CDIN1: variants seen among roughly 807,000 people sequenced by gnomAD.
CDIN1 encodes CDAN1-interacting nuclease 1.
CDIN1 carries 33 observed loss-of-function variants against 45.3 expected under a neutral mutation model. The observed-to-expected ratio is 0.73, with a 90% CI of 0.55 to 0.97. The LOEUF is 0.97. CDIN1 is among the 50% of genes least tolerant of loss of function. The pLI is 0.00. For missense variants in CDIN1, 303 were observed against 339.4 expected (o/e 0.89, Z 0.84); for synonymous variants, 118 against 124.4 (o/e 0.95, Z 0.34).
intron 1 of CDIN1, among the ~76,000 whole-genome samples, chr15:36,633,922 T>C (rs1416939893): frequency 6.6e-6 from 1 of 152,004 alleles, no homozygotes; most frequent in Non-Finnish European, 1.5e-5. Context: ...GATGCCCAGA[T>C]TATTTTTTCT....
chr15:36,696,257 G>A (rs1034906609), intron 7 of CDIN1: 4 of 152,206 alleles, frequency 2.6e-5, no homozygotes, highest in East Asian at 1.9e-4. Context: ...ATACACACAC[G>A]AGAAAAAGAC....
intron 10 of CDIN1, among the ~76,000 whole-genome samples, chr15:36,751,422 A>G (rs2053467653): frequency 6.6e-6 from 1 of 151,636 alleles, no homozygotes; most frequent in Non-Finnish European, 1.5e-5. Context: ...AGCCAGGCAC[A>G]GCAGCTCACG....
At chr15:36,724,760 A>G (rs866187515) in intron 10 of CDIN1, among the ~76,000 whole-genome samples, 1 of 152,168 alleles carries the variant, frequency 6.6e-6, no homozygotes, top group African/African-American at 2.4e-5. Flanking sequence ...AAATTAAATT[A>G]TTTCTAAATT....
intron 1 of CDIN1, among the ~76,000 whole-genome samples, chr15:36,604,418 T>TACACACACACACACACAC (rs144533313): frequency 0.035 from 4,542 of 128,684 alleles, 147 homozygotes; most frequent in East Asian, 0.048. Context: ...TTTTAAAAGG[T>TACACACACACACACACAC]ACACACACAC....
intron 10 of CDIN1, among the ~76,000 whole-genome samples, chr15:36,796,444 A>G (rs1369506517): frequency 6.6e-6 from 1 of 152,112 alleles, no homozygotes; most frequent in African/African-American, 2.4e-5. Context: ...AACCAAATAG[A>G]AAAAAATTAC....
intron 3 of CDIN1, among the ~76,000 whole-genome samples, chr15:36,649,558 ATT>A (rs2040490057): frequency 6.6e-6 from 1 of 152,208 alleles, no homozygotes; most frequent in South Asian, 2.1e-4. Flanking sequence ...TGAAAGACTC[ATT>A]TATATCTAAG....
intron 3 of CDIN1, among the ~76,000 whole-genome samples, chr15:36,653,876 C>T (rs2040672995): frequency 6.6e-6 from 1 of 152,178 alleles, no homozygotes. Flanking sequence ...AGTATTTACA[C>T]CTTCTGCCCC....
At chr15:36,602,814 T>TA (rs1198722461) in intron 1 of CDIN1, among the ~76,000 whole-genome samples, 2 of 150,884 alleles carry the variant, frequency 1.3e-5, no homozygotes, top group African/African-American at 2.4e-5. Flanking sequence ...CCGTCTCTAC[T>TA]AAAAAAAAAT....
chr15:36,599,264 A>C (rs181846332), intron 1 of CDIN1, among the ~76,000 whole-genome samples: 7 of 152,346 alleles, frequency 4.6e-5, no homozygotes, highest in Non-Finnish European at 7.3e-5. Flanking sequence ...TAGGCAGCTA[A>C]GTGCTTAGTC....
intron 10 of CDIN1, among the ~76,000 whole-genome samples, chr15:36,728,176 G>A (rs1438946733): frequency 6.6e-6 from 1 of 152,046 alleles, no homozygotes; most frequent in Non-Finnish European, 1.5e-5. Flanking sequence ...TTTTTGTCAT[G>A]CATCACTCTA....
At chr15:36,612,061 C>A (rs1357254696) in intron 1 of CDIN1, among the ~76,000 whole-genome samples, 1 of 152,180 alleles carries the variant, frequency 6.6e-6, no homozygotes, top group Non-Finnish European at 1.5e-5. Flanking sequence ...TGTCTGTTTT[C>A]TCATTCTTCT....
intron 10 of CDIN1, among the ~76,000 whole-genome samples, chr15:36,765,636 A>G (rs941102495): frequency 2.0e-5 from 3 of 152,172 alleles, no homozygotes; most frequent in African/African-American, 7.2e-5. Flanking sequence ...TAACTTGATT[A>G]TTTATAGTTA....
chr15:36,586,279 GA>G (rs2037297043), intron 1 of CDIN1, among the ~76,000 whole-genome samples: 1 of 149,738 alleles, frequency 6.7e-6, no homozygotes, highest in African/African-American at 2.5e-5. Context: ...TATACTTTGA[GA>G]CTATGCAAAT....
intron 3 of CDIN1, among the ~76,000 whole-genome samples, chr15:36,649,888 T>C (rs2040503100): frequency 6.6e-6 from 1 of 152,238 alleles, no homozygotes; most frequent in Non-Finnish European, 1.5e-5. Flanking sequence ...AGGCAGGTAC[T>C]GTGTCTTATA....
chr15:36,769,863 G>A lies in CDIN1; in HGVS notation c.717-38461G>A, dbSNP rs146585128. Among the ~76,000 whole-genome samples the A allele has an allele frequency of 8.1e-4, 123 of 152,234 alleles. 1 individual carries two copies. The highest frequency in any genetic ancestry group is 2.5e-3 in the African/African-American group (105 of 41,550). On this transcript the variant is annotated intron_variant, in intron 10 of 10. Coordinates refer to ENST00000566621, the MANE Select transcript of CDIN1 (RefSeq NM_001321759.2). ...TTTGCTCTAAAGTCTAAGAACCTGT[G>A]CGATAAATGATGTTACAGTCAGCTG...
chr15:36,759,705 A>G (rs2053706553), intron 10 of CDIN1, among the ~76,000 whole-genome samples: 1 of 152,200 alleles, frequency 6.6e-6, no homozygotes, highest in African/African-American at 2.4e-5. Flanking sequence ...TAATTGACTC[A>G]CAGTTCCACA....
At chr15:36,682,637 G>C (rs2041893012) in intron 5 of CDIN1, among the ~76,000 whole-genome samples, 1 of 150,936 alleles carries the variant, frequency 6.6e-6, no homozygotes, top group Admixed American at 6.6e-5. Flanking sequence ...GGTTGTGGTG[G>C]CATGCACTTG....
intron 1 of CDIN1, among the ~76,000 whole-genome samples, chr15:36,584,059 A>G (rs888989038): frequency 1.3e-5 from 2 of 152,114 alleles, no homozygotes; most frequent in Non-Finnish European, 1.5e-5. Flanking sequence ...AACACATCTA[A>G]TATTAAACAT....
intron 5 of CDIN1, among the ~76,000 whole-genome samples, chr15:36,685,254 C>G (rs367914939): frequency 8.6e-5 from 13 of 151,524 alleles, no homozygotes; most frequent in African/African-American, 3.2e-4. Flanking sequence ...GCTTTGAATG[C>G]GTCCCAGAGA....
Sources: gnomAD v4.1 joint callset for allele counts (sites outside exome capture counted in the v4.1 genomes callset) on GRCh38, gnomAD v4.1.1 for gene constraint, MANE v1.5 for transcripts, NCBI Gene and HGNC (gene_info 2026-07-23, HGNC 2026-07-21) for gene names.